CNTN4: variants seen among roughly 807,000 people sequenced by gnomAD.
CNTN4 encodes contactin 4.
Under a neutral mutation model 122.5 loss-of-function variants are expected in CNTN4, and 77 were observed. That is an observed-to-expected ratio of 0.63 (90% CI 0.52 to 0.76). The LOEUF is 0.76. CNTN4 is among the 30% of genes least tolerant of loss of function. The probability of loss-of-function intolerance (pLI) is 0.00; values close to 1 mark genes in which losing one functional copy is unlikely to be tolerated. For missense variants in CNTN4, 1,256 were observed against 1,259.1 expected, an observed-to-expected ratio of 1.00 and a Z score of 0.04; for synonymous variants, 512 against 447.0, an observed-to-expected ratio of 1.15 and a Z score of -1.83.
chr3:2,798,385 C>CTATA (rs2092262773), intron 6 of CNTN4, among the ~76,000 whole-genome samples: 1 of 150,736 alleles, frequency 6.6e-6, no homozygotes, highest in Non-Finnish European at 1.5e-5. Flanking sequence ...ATCTATCTAT[C>CTATA]TATCTATATA....
At chr3:2,739,854 T>C (rs2089354944) in intron 5 of CNTN4, among the ~76,000 whole-genome samples, 1 of 152,174 alleles carries the variant, frequency 6.6e-6, no homozygotes, top group Admixed American at 6.5e-5. Context: ...GAAGAAAATA[T>C]TTTAACAAGG....
At chr3:2,311,527 A>T (rs925902786) in intron 2 of CNTN4, among the ~76,000 whole-genome samples, 1 of 152,088 alleles carries the variant, frequency 6.6e-6, no homozygotes, top group Non-Finnish European at 1.5e-5. Flanking sequence ...CTGAAGTAAA[A>T]GTAGTATAAA....
At chr3:2,484,579 A>C (rs540092911) in intron 3 of CNTN4, among the ~76,000 whole-genome samples, 34 of 152,346 alleles carry the variant, frequency 2.2e-4, no homozygotes, top group Admixed American at 3.9e-4. Context: ...TGACTTCAGC[A>C]CAGGACCAAT....
chr3:2,928,354 G>C (rs2094491938), intron 13 of CNTN4, among the ~76,000 whole-genome samples: 1 of 152,194 alleles, frequency 6.6e-6, no homozygotes, highest in Admixed American at 6.5e-5. Flanking sequence ...TGGCAGAGAA[G>C]AGATTCTGCC....
chr3:2,764,697 C>T (rs2090760389), intron 6 of CNTN4, among the ~76,000 whole-genome samples: 1 of 152,236 alleles, frequency 6.6e-6, no homozygotes. Flanking sequence ...CAGTAGCTTT[C>T]TGTAAGTCTA....
At chr3:2,189,182 C>A (rs143035062) in intron 2 of CNTN4, among the ~76,000 whole-genome samples, 1 of 152,130 alleles carries the variant, frequency 6.6e-6, no homozygotes, top group Non-Finnish European at 1.5e-5. Flanking sequence ...GACATCCAGG[C>A]TAAAAAAGAA....
At chr3:2,468,264 TAGGGTGTTCATGGAGGATTTTCA>T (rs1559580076) in intron 3 of CNTN4, among the ~76,000 whole-genome samples, 1 of 152,172 alleles carries the variant, frequency 6.6e-6, no homozygotes, top group Non-Finnish European at 1.5e-5. Flanking sequence ...GAAGACCATA[TAGGGTGTTCATGGAGGATTTTCA>T]GGAATTTCCT....
chr3:2,735,421 A>G (rs1167732548), intron 4 of CNTN4, among the ~76,000 whole-genome samples: 1 of 152,236 alleles, frequency 6.6e-6, no homozygotes, highest in African/African-American at 2.4e-5. Context: ...CCGTGACAAA[A>G]TAAGTCTCAT....
At chr3:2,695,608 G>C (rs9820871) in intron 4 of CNTN4, among the ~76,000 whole-genome samples, 6,377 of 152,250 alleles carry the variant, frequency 0.042, 476 homozygotes, top group African/African-American at 0.14. Flanking sequence ...GATATTGGGG[G>C]TTGTGGGGAA....
intron 4 of CNTN4, among the ~76,000 whole-genome samples, chr3:2,620,647 G>T (rs1482418593): frequency 6.6e-6 from 1 of 152,230 alleles, no homozygotes; most frequent in Non-Finnish European, 1.5e-5. Context: ...TGAGTTTAAT[G>T]CTTTCTAATT....
intron 8 of CNTN4, among the ~76,000 whole-genome samples, chr3:2,881,516 A>G (rs2093909791): frequency 1.5e-5 from 1 of 67,380 alleles, no homozygotes. Context: ...CAGTCTCAAG[A>G]AAAAAAAAAA....
At chr3:2,255,935 A>G (rs138699440) in intron 2 of CNTN4, among the ~76,000 whole-genome samples, 9,976 of 152,260 alleles carry the variant, frequency 0.066, 459 homozygotes, top group Non-Finnish European at 0.095. Flanking sequence ...GAAACAACTA[A>G]GATCAGAGCA....
chr3:2,971,028 C>T (rs969124069), intron 13 of CNTN4, among the ~76,000 whole-genome samples: 59 of 152,322 alleles, frequency 3.9e-4, no homozygotes, highest in African/African-American at 1.4e-3. Flanking sequence ...CTCAGGTGAT[C>T]TGCCCATCTC....
At chr3:2,524,005 T>A (rs941290342) in intron 3 of CNTN4, among the ~76,000 whole-genome samples, 1 of 152,144 alleles carries the variant, frequency 6.6e-6, no homozygotes, top group Non-Finnish European at 1.5e-5. Context: ...ATGGTATAAT[T>A]CTTATGTCAT....
intron 3 of CNTN4, among the ~76,000 whole-genome samples, chr3:2,516,059 T>A (rs2077031281): frequency 6.6e-6 from 1 of 152,102 alleles, no homozygotes; most frequent in Non-Finnish European, 1.5e-5. Flanking sequence ...AAATGTTAGT[T>A]GAAATACTCA....
chr3:2,565,212 A>C (rs2079106063), intron 3 of CNTN4, among the ~76,000 whole-genome samples: 1 of 152,148 alleles, frequency 6.6e-6, no homozygotes, highest in Non-Finnish European at 1.5e-5. Context: ...TATATCATCC[A>C]GGTCCCTTAT....
chr3:2,120,395 ATATATATATATTTT>A (rs1299055961), intron 2 of CNTN4, among the ~76,000 whole-genome samples: 122 of 30,554 alleles, frequency 4.0e-3, no homozygotes, highest in African/African-American at 9.5e-3. Flanking sequence ...ATATATATAT[ATATATATATATTTT>A]TTTTTTTTTT....
At chr3:2,338,150 A>G (rs1264239612) in intron 2 of CNTN4, among the ~76,000 whole-genome samples, 1 of 152,104 alleles carries the variant, frequency 6.6e-6, no homozygotes, top group African/African-American at 2.4e-5. Context: ...GAGAAAGGTC[A>G]GGGATTATTT....
At chr3:2,938,065 G>A (rs2094581391) in intron 13 of CNTN4, among the ~76,000 whole-genome samples, 1 of 152,160 alleles carries the variant, frequency 6.6e-6, no homozygotes, top group African/African-American at 2.4e-5. Flanking sequence ...TAAAATAATA[G>A]TGCCAGAAAC....
Sources: gnomAD v4.1 joint callset for allele counts (sites outside exome capture counted in the v4.1 genomes callset) on GRCh38, gnomAD v4.1.1 for gene constraint, MANE v1.5 for transcripts, NCBI Gene and HGNC (gene_info 2026-07-23, HGNC 2026-07-21) for gene names.